MYO10: variants seen among roughly 807,000 people sequenced by gnomAD.
The protein encoded by MYO10 is myosin X, also known as unconventional myosin-X.
MYO10 carries 133 observed loss-of-function variants against 257.3 expected under a neutral mutation model. The observed-to-expected ratio is 0.52, with a 90% CI of 0.45 to 0.60. MYO10 has a LOEUF of 0.60. MYO10 is among the 20% of genes least tolerant of loss of function. MYO10 has a pLI of 0.00. For synonymous variants in MYO10, 1,104 were observed against 1,028.6 expected, an observed-to-expected ratio of 1.07 and a Z score of -1.40; for missense variants, 2,399 against 2,635.7, an observed-to-expected ratio of 0.91 and a Z score of 1.97.
At chr5:16,870,899 A>G (rs1744440073) in intron 2 of MYO10, among the ~76,000 whole-genome samples, 1 of 152,166 alleles carries the variant, frequency 6.6e-6, no homozygotes, top group Non-Finnish European at 1.5e-5. Flanking sequence ...TCACACACAC[A>G]CAAAAAAAAT....
At chr5:16,831,280 A>T (rs189974151) in intron 2 of MYO10, among the ~76,000 whole-genome samples, 2,631 of 152,298 alleles carry the variant, frequency 0.017, 58 homozygotes, top group Non-Finnish European at 0.019. Context: ...GGGAATGCAA[A>T]CAAGTACAAC....
At chr5:16,745,062 G>A (rs112522121) in intron 19 of MYO10, among the ~76,000 whole-genome samples, 6,115 of 152,298 alleles carry the variant, frequency 0.04, 408 homozygotes, top group African/African-American at 0.14. Context: ...TTCCCAGGCC[G>A]GGCGCGGTAG....
intron 33 of MYO10, among the ~76,000 whole-genome samples, chr5:16,679,746 A>T (rs1736900078): frequency 2.0e-5 from 3 of 151,990 alleles, no homozygotes; most frequent in Admixed American, 2.0e-4. Context: ...GTTGGTCTTG[A>T]ACTCCTGACC....
At chr5:16,811,865 G>C (rs1419247587) in intron 3 of MYO10, among the ~76,000 whole-genome samples, 1 of 152,116 alleles carries the variant, frequency 6.6e-6, no homozygotes, top group African/African-American at 2.4e-5. Flanking sequence ...ACTCAACCCT[G>C]ATTGATCTCA....
In MYO10 at chr5:16,701,040, G is replaced by T; in HGVS notation, c.3355C>A (p.Pro1119Thr). Residue 1119 changes from proline (P) to threonine (T), a missense_variant, in exon 25 of 41, where the codon CCC becomes ACC. Pro to Thr is a conservative substitution (Grantham distance 38). Around this residue, in one of 3 missense-constraint regions of MYO10, gnomAD observed 1,820 missense variants for 1,939.4 expected, o/e 0.94. Coordinates refer to ENST00000513610, the MANE Select transcript of MYO10 (RefSeq NM_012334.3). This position sits in a 1 kb window ranked among gnomAD's most constrained non-coding sequence, Gnocchi z 8.1. ...GTCCCCACAGAGCAGCGGTAGTCGG[G>T]GGACCACTGGCTGCCGTAGGAGTTG... ...FSNSYGSQWS[P>T]DYRCSVGTYN... The T allele has an allele frequency of 6.4e-7, 1 of 1,564,820 alleles. No homozygotes were observed. The highest frequency in any genetic ancestry group is 1.4e-5 in the African/African-American group (1 of 73,796).
intron 19 of MYO10, among the ~76,000 whole-genome samples, chr5:16,732,225 A>C (rs1410335687): frequency 6.6e-6 from 1 of 152,072 alleles, no homozygotes; most frequent in Non-Finnish European, 1.5e-5. Context: ...GAAACAAAGG[A>C]AGGAAGGAGG....
rs553325171 is a variant in MYO10 at position 16,786,631 on chromosome 5, A to G, written c.468-3162T>C. Among the ~76,000 whole-genome samples, 5 of 152,266 alleles carry G rather than the reference A, an allele frequency of 3.3e-5. No individual in the cohort carries two copies. The East Asian group carries it at 7.7e-4, about 24-fold the overall frequency. On this transcript the variant is annotated intron_variant, in intron 4 of 40. Transcript: ENST00000513610. The stretch of plus-strand genomic sequence containing the variant: ...CAAATTTTCACATGAGGGATGCTCG[A>G]CCAGTATAATGCAAAGATTCCAAAA...
chr5:16,758,225 A>G lies in MYO10; in HGVS notation c.1741T>C (p.Phe581Leu), dbSNP rs768514391. 45 of 1,600,894 alleles carry G rather than the reference A, an allele frequency of 2.8e-5. No homozygotes were observed. Among genetic ancestry groups the G allele is most frequent in the African/African-American group, 4.0e-5 (3 of 74,624 alleles). ...DLLNLLRESR[F>L]DFIYDLFEHV... ...TCAAAAAGATCGTAGATAAAGTCAA[A>G]TCTGTGTGAGGCAAGAGCAGGAGGT... The change falls in exon 18 of 41, where the codon TTT (phenylalanine) becomes CTT (leucine). Residue 581 changes from phenylalanine (F) to leucine (L), a missense_variant and splice_region_variant. Coordinates refer to ENST00000513610, the MANE Select transcript of MYO10 (RefSeq NM_012334.3).
chr5:16,764,894 G>C (rs1334195723), intron 11 of MYO10, among the ~76,000 whole-genome samples: 1 of 151,984 alleles, frequency 6.6e-6, no homozygotes, highest in African/African-American at 2.4e-5. Flanking sequence ...TCTCCATGTT[G>C]GTCAGGCTGG....
chr5:16,910,582 G>A (rs900104229), intron 1 of MYO10, among the ~76,000 whole-genome samples: 1 of 152,190 alleles, frequency 6.6e-6, no homozygotes, highest in Admixed American at 6.5e-5. Context: ...GTAAAAACTA[G>A]TAATAGAAAC....
At chr5:16,911,377 A>G (rs1745651708) in intron 1 of MYO10, among the ~76,000 whole-genome samples, 1 of 152,182 alleles carries the variant, frequency 6.6e-6, no homozygotes, top group Non-Finnish European at 1.5e-5. Context: ...AACTTGTCCA[A>G]CCTGCAGCCA....
chr5:16,923,660 C>CCACACACACACACACA (rs1746050937), intron 1 of MYO10, among the ~76,000 whole-genome samples: 1 of 116,166 alleles, frequency 8.6e-6, no homozygotes, highest in African/African-American at 3.6e-5. Context: ...TTAAACACGC[C>CCACACACACACACACA]CATACACACA....
intron 1 of MYO10, among the ~76,000 whole-genome samples, chr5:16,929,248 C>T (rs892745784): frequency 1.3e-5 from 2 of 152,096 alleles, no homozygotes; most frequent in Middle Eastern, 3.2e-3. Context: ...CCACTGCACC[C>T]GGCCAAATCA....
intron 3 of MYO10, among the ~76,000 whole-genome samples, chr5:16,797,894 G>T (rs139602439): frequency 2.2e-3 from 342 of 152,322 alleles, no homozygotes; most frequent in African/African-American, 7.8e-3. Context: ...CTAAACTTGT[G>T]TTGAAATTTA....
intron 2 of MYO10, among the ~76,000 whole-genome samples, chr5:16,874,449 C>A (rs1283088838): frequency 6.6e-6 from 1 of 151,408 alleles, no homozygotes; most frequent in South Asian, 2.1e-4. Context: ...ACAGCCCCCA[C>A]ATCACCTCTT....
At chr5:16,894,834 C>A (rs900589269) in intron 1 of MYO10, among the ~76,000 whole-genome samples, 1 of 152,146 alleles carries the variant, frequency 6.6e-6, no homozygotes, top group Non-Finnish European at 1.5e-5. Context: ...GAAGCCCCCA[C>A]GGAGTAGAGG....
chr5:16,818,405 T>TATATAC, intron 2 of MYO10, among the ~76,000 whole-genome samples: 9 of 120,596 alleles, frequency 7.5e-5, no homozygotes, highest in African/African-American at 2.4e-4. Context: ...TGTGTGTGTG[T>TATATAC]GTGTGTATAT....
rs73049033 is a variant in MYO10 at position 16,681,118 on chromosome 5, C to T, written c.4384+191G>A. ...AGAATCTTCCTACCACTCCATGAAT[C>T]GACCTCTAGTACGGCTTAAACACTA... On this transcript the variant is annotated intron_variant, in intron 32 of 40. Coordinates refer to ENST00000513610, the MANE Select transcript of MYO10 (RefSeq NM_012334.3). Among the ~76,000 whole-genome samples, 1,493 of 152,274 alleles carry T rather than the reference C, an allele frequency of 9.8e-3. 25 individuals carry two copies. Among genetic ancestry groups the T allele is most frequent in the African/African-American group, 0.034 (1,416 of 41,524 alleles).
At chr5:16,690,580 C>A (rs1233595176) in intron 27 of MYO10, among the ~76,000 whole-genome samples, 1 of 152,136 alleles carries the variant, frequency 6.6e-6, no homozygotes, top group Non-Finnish European at 1.5e-5. Context: ...AGGCCAGGGG[C>A]AGCAGCCCCC....
Sources: gnomAD v4.1 joint callset for allele counts (sites outside exome capture counted in the v4.1 genomes callset) on GRCh38, gnomAD v4.1.1 for gene constraint, gnomAD v4.1.1 regional missense constraint, Gnocchi (gnomAD v3.1) non-coding constraint, MANE v1.5 for transcripts, NCBI Gene and HGNC (gene_info 2026-07-23, HGNC 2026-07-21) for gene names.